The following DENND5B variants were observed in gnomAD, a reference collection of about 807,000 sequenced individuals.
DENND5B encodes DENN domain-containing protein 5B.
A neutral mutation model predicts 140.6 loss-of-function variants in DENND5B; 34 were observed. That is an observed-to-expected ratio of 0.24 (90% CI 0.18 to 0.32). DENND5B has a LOEUF of 0.32. Among genes scored for constraint, DENND5B ranks in the 10% least tolerant of loss-of-function variants. The pLI is 1.00. For missense variants in DENND5B, 1,142 were observed against 1,560.2 expected (o/e 0.73, Z 4.52); for synonymous variants, 551 against 562.1 (o/e 0.98, Z 0.28).
At chr12:31,579,230 T>C (rs886231800) in intron 1 of DENND5B, among the ~76,000 whole-genome samples, 1 of 152,246 alleles carries the variant, frequency 6.6e-6, no homozygotes, top group East Asian at 1.9e-4. Flanking sequence ...GCAGAACATC[T>C]GAGAAAGCTA....
At chr12:31,532,609 TAGAG>T (rs1187249544) in intron 1 of DENND5B, among the ~76,000 whole-genome samples, 1 of 152,044 alleles carries the variant, frequency 6.6e-6, no homozygotes, top group Admixed American at 6.6e-5. Flanking sequence ...GGGAGAATGA[TAGAG>T]AGAAGCAGGT....
At chr12:31,389,621 A>AT in intron 19 of DENND5B, 123 bp from the exon 20 acceptor site, 1 of 858,420 alleles carries the variant, frequency 1.2e-6, no homozygotes, top group Non-Finnish European at 1.7e-6. Context: ...CCTGAAGCCA[A>AT]TATCATTACT....
chr12:31,476,538 G>A (rs993725612), intron 3 of DENND5B, among the ~76,000 whole-genome samples: 3 of 151,004 alleles, frequency 2.0e-5, no homozygotes, highest in Admixed American at 2.0e-4. Flanking sequence ...CTGTCACACA[G>A]GAGGATTACC....
chr12:31,470,550 A>G (rs1471553216), intron 3 of DENND5B, among the ~76,000 whole-genome samples: 1 of 152,188 alleles, frequency 6.6e-6, no homozygotes, highest in East Asian at 1.9e-4. Flanking sequence ...GCACCAGGCC[A>G]AACTTCTTTT....
At chr12:31,579,856 T>C (rs1950159062) in intron 1 of DENND5B, among the ~76,000 whole-genome samples, 1 of 151,100 alleles carries the variant, frequency 6.6e-6, no homozygotes, top group Admixed American at 6.6e-5. Flanking sequence ...TATCAAAAAT[T>C]TTTGGAATCT....
At chr12:31,465,241 G>GC (rs1325584475) in intron 3 of DENND5B, 1 of 152,334 alleles carries the variant, frequency 6.6e-6, no homozygotes. Context: ...GCTGTGTCTA[G>GC]CAAGGCTTAT....
intron 20 of DENND5B, among the ~76,000 whole-genome samples, chr12:31,388,506 G>C (rs1443679595): frequency 6.6e-6 from 1 of 152,052 alleles, no homozygotes; most frequent in African/African-American, 2.4e-5. Flanking sequence ...AATGTTTCCT[G>C]ATCAAACCTG....
At chr12:31,495,999 C>A in intron 1 of DENND5B, 80 bp from the exon 2 acceptor site, 4 of 945,264 alleles carry the variant, frequency 4.2e-6, no homozygotes, top group Non-Finnish European at 6.2e-6. Context: ...TATAGTCCTA[C>A]TACTGACTGA....
At chr12:31,400,014 G>C (rs1941709988) in intron 15 of DENND5B, among the ~76,000 whole-genome samples, 1 of 152,232 alleles carries the variant, frequency 6.6e-6, no homozygotes, top group African/African-American at 2.4e-5. Flanking sequence ...CACAGTGCTA[G>C]ATTAGAGATG....
Position 31,419,932 on chromosome 12 carries a change from C to A in DENND5B, c.2470+3665G>T, listed in dbSNP as rs568260387. 205 of 808,394 alleles carry A rather than the reference C, an allele frequency of 2.5e-4. 1 individual carries two copies. The highest frequency in any genetic ancestry group is 2.9e-4 in the Non-Finnish European group (201 of 682,824). 50.1% of individuals were successfully genotyped at this position (808,394 alleles called of 1,614,324 possible). A position where few individuals can be genotyped will look rare whatever the true frequency, so the allele number is the denominator to read the frequency against. On this transcript the variant is annotated intron_variant, in intron 11 of 20. Coordinates refer to ENST00000389082, the MANE Select transcript of DENND5B (RefSeq NM_144973.4). ...AGGTTGCAGTGAGCCAAGACTGCGC[C>A]ATTGCACTCTAGCCTGGGCAACAAG...
intron 8 of DENND5B, among the ~76,000 whole-genome samples, chr12:31,427,496 C>T (rs1386745001): frequency 6.6e-6 from 1 of 151,800 alleles, no homozygotes; most frequent in Non-Finnish European, 1.5e-5. Flanking sequence ...ATCCCAGCTA[C>T]TCGGGAGGCT....
chr12:31,433,004 T>C (rs904144132), intron 8 of DENND5B, 151 bp downstream of exon 8: 5 of 636,848 alleles, frequency 7.9e-6, no homozygotes, highest in African/African-American at 5.6e-5. Context: ...TTCTGCTATA[T>C]GTCCGTACAA....
chr12:31,551,535 C>T (rs537399558), intron 1 of DENND5B, among the ~76,000 whole-genome samples: 22 of 152,108 alleles, frequency 1.4e-4, no homozygotes, highest in African/African-American at 3.9e-4. Flanking sequence ...AGGATTGACT[C>T]GGCGATGCAG....
At chr12:31,499,632 C>T in intron 1 of DENND5B, 3 of 1,505,338 alleles carry the variant, frequency 2.0e-6, no homozygotes, top group South Asian at 1.3e-5. Flanking sequence ...AGCACCTTGG[C>T]TCTTGCCATG....
At chr12:31,534,961 C>T in intron 1 of DENND5B, 1 of 272,594 alleles carries the variant, frequency 3.7e-6, no homozygotes, top group Admixed American at 5.2e-5. Context: ...GTAGTCCCAG[C>T]TACTTGGGAG....
intron 7 of DENND5B, 59 bp from the exon 8 acceptor site, chr12:31,433,307 C>T (rs1445392155): frequency 2.8e-6 from 4 of 1,440,688 alleles, no homozygotes; most frequent in Non-Finnish European, 3.8e-6. Context: ...AAAGCATTAA[C>T]CATTCAACAC....
chr12:31,466,203 AT>A (rs1393583616), intron 3 of DENND5B, among the ~76,000 whole-genome samples: 1 of 151,930 alleles, frequency 6.6e-6, no homozygotes, highest in East Asian at 1.9e-4. Flanking sequence ...AAACACAAAA[AT>A]TAGTTGGTCA....
intron 1 of DENND5B, among the ~76,000 whole-genome samples, chr12:31,535,475 G>A (rs1024398500): frequency 2.0e-5 from 3 of 152,152 alleles, no homozygotes; most frequent in African/African-American, 4.8e-5. Flanking sequence ...GTTTGTCTGG[G>A]AGAAAGTAAG....
intron 14 of DENND5B, among the ~76,000 whole-genome samples, chr12:31,408,214 G>A (rs879828289): frequency 1.3e-5 from 2 of 151,980 alleles, no homozygotes; most frequent in Non-Finnish European, 2.9e-5. Flanking sequence ...CAGGAGAATC[G>A]CTTGATCCCA....
Sources: gnomAD v4.1 joint callset for allele counts (sites outside exome capture counted in the v4.1 genomes callset) on GRCh38, gnomAD v4.1.1 for gene constraint, MANE v1.5 for transcripts, NCBI Gene and HGNC (gene_info 2026-07-23, HGNC 2026-07-21) for gene names.